PTPRD: variants seen among roughly 807,000 people sequenced by gnomAD.
PTPRD encodes the protein receptor-type tyrosine-protein phosphatase delta.
Under a neutral mutation model 214.5 loss-of-function variants are expected in PTPRD, and 34 were observed. The observed-to-expected ratio is 0.16, with a 90% confidence interval of 0.12 to 0.21. The LOEUF (loss-of-function observed/expected upper bound fraction) is 0.21, where lower values mean the gene tolerates loss of function less well. Among genes scored for constraint, PTPRD ranks in the 10% least tolerant of loss-of-function variants. The pLI, the probability that PTPRD is intolerant of heterozygous loss-of-function variation, is 1.00. For missense variants in PTPRD, 2,545 were observed against 2,398.7 expected (o/e 1.06, Z -1.27); for synonymous variants, 1,128 against 845.7 (o/e 1.33, Z -5.79).
At chr9:8,737,943 C>CTGG (rs1406573047) in intron 11 of PTPRD, among the ~76,000 whole-genome samples, 2 of 116,176 alleles carry the variant, frequency 1.7e-5, no homozygotes, top group East Asian at 2.2e-4. Context: ...GCCACTGCAC[C>CTGG]CGGCTCTCTG....
At chr9:8,378,890 T>C (rs1158991348) in intron 37 of PTPRD, among the ~76,000 whole-genome samples, 1 of 152,080 alleles carries the variant, frequency 6.6e-6, no homozygotes, top group African/African-American at 2.4e-5. Context: ...ACAAATCTTC[T>C]CCATTCCTAA....
chr9:9,107,172 G>C (rs2154446272), intron 10 of PTPRD, among the ~76,000 whole-genome samples: 1 of 152,202 alleles, frequency 6.6e-6, no homozygotes, highest in Admixed American at 6.5e-5. Flanking sequence ...AGAATCTAGA[G>C]ACTAGGTGGC....
chr9:8,502,033 A>T (rs1420922725), intron 23 of PTPRD, among the ~76,000 whole-genome samples: 1 of 152,178 alleles, frequency 6.6e-6, no homozygotes, highest in Non-Finnish European at 1.5e-5. Flanking sequence ...CATTTTGTAC[A>T]TAATTATTCA....
intron 9 of PTPRD, among the ~76,000 whole-genome samples, chr9:9,351,910 A>G (rs2051337884): frequency 6.6e-6 from 1 of 152,006 alleles, no homozygotes; most frequent in African/African-American, 2.4e-5. Context: ...TGAGGATTAC[A>G]TGATTAGTCT....
At chr9:9,988,511 A>T (rs998777494) in intron 4 of PTPRD, among the ~76,000 whole-genome samples, 1 of 152,192 alleles carries the variant, frequency 6.6e-6, no homozygotes, top group Non-Finnish European at 1.5e-5. Context: ...TTAGGTTTAC[A>T]TTTTAAGGAC....
intron 39 of PTPRD, among the ~76,000 whole-genome samples, chr9:8,356,023 T>A (rs539805455): frequency 3.0e-4 from 46 of 152,302 alleles, no homozygotes; most frequent in Middle Eastern, 3.4e-3. Context: ...CTCTCATTCA[T>A]AAGGATTTTT....
At chr9:9,932,037 TAACA>T (rs1399197678) in intron 5 of PTPRD, among the ~76,000 whole-genome samples, 3 of 151,552 alleles carry the variant, frequency 2.0e-5, no homozygotes, top group Admixed American at 6.6e-5. Flanking sequence ...GAAGGAAAAC[TAACA>T]AACAGAAAGG....
chr9:9,244,531 T>A (rs1594424635), intron 9 of PTPRD, among the ~76,000 whole-genome samples: 1 of 152,152 alleles, frequency 6.6e-6, no homozygotes. Context: ...AAACAAGCAA[T>A]GGGGAAAGGA....
At chr9:8,568,724 C>T (rs576316553) in intron 14 of PTPRD, among the ~76,000 whole-genome samples, 92 of 152,158 alleles carry the variant, frequency 6.0e-4, no homozygotes, top group African/African-American at 2.2e-3. Context: ...TAAAAACCTC[C>T]AGTATAAACC....
intron 10 of PTPRD, among the ~76,000 whole-genome samples, chr9:9,070,258 T>C (rs2099741858): frequency 6.6e-6 from 1 of 152,196 alleles, no homozygotes. Flanking sequence ...TGTCAAGGAG[T>C]AAATCAATGT....
At chr9:9,200,275 G>A (rs1043641771) in intron 9 of PTPRD, among the ~76,000 whole-genome samples, 1 of 152,108 alleles carries the variant, frequency 6.6e-6, no homozygotes, top group Non-Finnish European at 1.5e-5. Flanking sequence ...TCTGGCCTTT[G>A]GACTTTTTGT....
At chr9:10,496,433 T>TAATTTATTA (rs1017640902) in intron 2 of PTPRD, among the ~76,000 whole-genome samples, 2 of 152,048 alleles carry the variant, frequency 1.3e-5, no homozygotes, top group Non-Finnish European at 2.9e-5. Context: ...ATTTAGCAGC[T>TAATTTATTA]AATTTATTAA....
intron 2 of PTPRD, among the ~76,000 whole-genome samples, chr9:10,408,908 C>T (rs993808974): frequency 1.3e-5 from 2 of 151,688 alleles, no homozygotes; most frequent in African/African-American, 4.8e-5. Context: ...TCCTTTTGCT[C>T]ATTAGCATTT....
In PTPRD at chr9:8,376,625, T is replaced by C; in HGVS notation, c.4488A>G (p.Arg1496=). Residue 1496 remains arginine, a synonymous_variant, in exon 38 of 46, where the codon CGA becomes CGG. Transcript: ENST00000381196. ...DTVELATYCV[R]TFALYKNGSS... is the part of the protein sequence containing the mutation. ...AGCAAACCTTGTAAAGTGCAAATGT[T>C]CGAACACAATATGTGGCCAGCTCCA... The C allele has an allele frequency of 6.2e-7, 1 of 1,612,962 alleles. No individual in the cohort carries two copies. Among genetic ancestry groups the C allele is most frequent in the Non-Finnish European group, 8.5e-7 (1 of 1,179,266 alleles).
intron 11 of PTPRD, among the ~76,000 whole-genome samples, chr9:8,856,935 G>A (rs1037373991): frequency 6.6e-6 from 1 of 152,174 alleles, no homozygotes; most frequent in Non-Finnish European, 1.5e-5. Context: ...AAATCTATGG[G>A]AAAGCAAATA....
rs985413862 is a variant in PTPRD at position 10,362,036 on chromosome 9, G to C, written c.-599-21019C>G. On this transcript the variant is annotated intron_variant, in intron 2 of 45. Transcript: ENST00000381196. ...TGTTTTCAGTCCAGGACAGAATCTG[G>C]AGAATGGGGTCTTCTCCATCAACAT... 2.0e-5 allele frequency among the ~76,000 whole-genome samples: 3 copies of C among 152,132 alleles called. No homozygotes were observed. In the East Asian group the frequency reaches 5.8e-4, roughly 29 times the overall value.
At chr9:9,812,156 C>T (rs2153544628) in intron 5 of PTPRD, among the ~76,000 whole-genome samples, 1 of 152,028 alleles carries the variant, frequency 6.6e-6, no homozygotes, top group Non-Finnish European at 1.5e-5. Context: ...TAGACATATG[C>T]TATTTCACAC....
intron 3 of PTPRD, among the ~76,000 whole-genome samples, chr9:10,242,587 G>A (rs1417457656): frequency 2.7e-5 from 4 of 146,542 alleles, no homozygotes; most frequent in Non-Finnish European, 6.0e-5. Flanking sequence ...TTACTTGAGT[G>A]TTAGAGGCAG....
intron 12 of PTPRD, among the ~76,000 whole-genome samples, chr9:8,688,707 TAACC>T (rs2097743262): frequency 6.6e-6 from 1 of 152,138 alleles, no homozygotes; most frequent in Admixed American, 6.5e-5. Context: ...CAGGCCATAA[TAACC>T]CTTGCAATGG....
Sources: allele counts gnomAD v4.1 joint callset (sites outside exome capture counted in the v4.1 genomes callset), GRCh38; gene constraint gnomAD v4.1.1; transcripts MANE v1.5; gene names NCBI Gene and HGNC (gene_info 2026-07-23, HGNC 2026-07-21).